The following PSME4 variants were observed in gnomAD, a reference collection of about 807,000 sequenced individuals.
The protein encoded by PSME4 is proteasome activator complex subunit 4.
Under a neutral mutation model 253.9 loss-of-function variants are expected in PSME4, and 89 were observed. The ratio of observed to expected loss-of-function variants is 0.35; its 90% CI spans 0.30 to 0.42. The LOEUF (loss-of-function observed/expected upper bound fraction) is 0.42. Ranked by LOEUF, PSME4 falls within the 10% of genes least tolerant of loss-of-function variation. The pLI is 1.00. For synonymous variants in PSME4, 851 were observed against 759.2 expected (o/e 1.12, Z -1.99); for missense variants, 2,014 against 2,195.2 (o/e 0.92, Z 1.65).
At chr2:53,897,794 C>T in intron 31 of PSME4, 76 bp downstream of exon 31, 1 of 1,482,298 alleles carries the variant, frequency 6.7e-7, no homozygotes, top group Non-Finnish European at 9.4e-7. Flanking sequence ...GTGTGTATTG[C>T]TTGTGAAGAA....
chr2:53,931,179 G>A (rs775459290), intron 10 of PSME4, among the ~76,000 whole-genome samples: 1 of 152,300 alleles, frequency 6.6e-6, no homozygotes, highest in African/African-American at 2.4e-5. Context: ...TCAGGAGGCT[G>A]AGGCAGGGGA....
At chr2:53,917,382 T>C (rs1345275172) in intron 20 of PSME4, 4 of 152,100 alleles carry the variant, frequency 2.6e-5, no homozygotes, top group Non-Finnish European at 5.9e-5. Flanking sequence ...TTATAAAAAA[T>C]CTAATTGGCT....
intron 36 of PSME4, among the ~76,000 whole-genome samples, chr2:53,891,632 A>G (rs897269038): frequency 1.3e-5 from 2 of 152,022 alleles, no homozygotes; most frequent in Non-Finnish European, 2.9e-5. Context: ...AGGCCAAGGT[A>G]GGTGGAGTTC....
At chr2:53,903,178 G>A (rs1680491047) in intron 27 of PSME4, among the ~76,000 whole-genome samples, 2 of 152,088 alleles carry the variant, frequency 1.3e-5, no homozygotes, top group Admixed American at 6.6e-5. Context: ...CATGGAAATG[G>A]TATCTTCGGA....
intron 5 of PSME4, among the ~76,000 whole-genome samples, chr2:53,937,063 T>C (rs1296279145): frequency 1.3e-5 from 2 of 152,198 alleles, no homozygotes. Flanking sequence ...CATTACTAAG[T>C]ACTGTCCATT....
intron 3 of PSME4, among the ~76,000 whole-genome samples, chr2:53,946,877 G>A (rs1278209437): frequency 6.6e-6 from 1 of 152,002 alleles, no homozygotes; most frequent in Non-Finnish European, 1.5e-5. Context: ...TCTTGCCACT[G>A]CACTCCAGCC....
At chr2:53,954,187 G>T (rs759967867) in intron 1 of PSME4, among the ~76,000 whole-genome samples, 2 of 152,282 alleles carry the variant, frequency 1.3e-5, no homozygotes, top group South Asian at 4.1e-4. Context: ...AATTAGCCGG[G>T]TGTGGCGGCA....
intron 36 of PSME4, 104 bp downstream of exon 36, chr2:53,892,687 TATTTCATATCACTGAAG>T (rs1257094898): frequency 1.1e-6 from 1 of 874,940 alleles, no homozygotes; most frequent in East Asian, 2.6e-5. Context: ...CATATCGGCA[TATTTCATATCACTGAAG>T]ATTTCATATT....
chr2:53,869,564 G>A, intron 43 of PSME4, 26 bp from the exon 44 acceptor site: 1 of 1,455,380 alleles, frequency 6.9e-7, no homozygotes, highest in Non-Finnish European at 9.3e-7. Flanking sequence ...TTTCTATTAG[G>A]ACTGACATTC....
In PSME4 at chr2:53,892,792, A is replaced by C. The variant is rs1387667974; in HGVS notation, c.4191+16T>G. 6.2e-7 allele frequency: 1 copy of C among 1,605,556 alleles called. No homozygotes were observed. Among genetic ancestry groups the C allele is most frequent in the Non-Finnish European group, 8.5e-7 (1 of 1,176,286 alleles). On this transcript the variant is annotated intron_variant, in intron 36 of 46. Coordinates refer to ENST00000404125, the MANE Select transcript of PSME4 (RefSeq NM_014614.3). Reference sequence around the variant, plus strand: ...GCTTTAACAGGAAATGTTCTGTACAAATATTAATACATCACCTTTTCAAAT... The same window carrying C: ...GCTTTAACAGGAAATGTTCTGTACACATATTAATACATCACCTTTTCAAAT...
intron 20 of PSME4, 113 bp downstream of exon 20, chr2:53,919,038 A>G: frequency 9.5e-7 from 1 of 1,050,198 alleles, no homozygotes. Context: ...AGTGACAAAT[A>G]AAAAGGTTAA....
intron 43 of PSME4, 95 bp from the exon 44 acceptor site, chr2:53,869,633 C>T (rs1487646534): frequency 9.9e-7 from 1 of 1,015,074 alleles, no homozygotes; most frequent in Admixed American, 2.6e-5. Context: ...TGAAGACCTT[C>T]CCTGAAATTG....
intron 41 of PSME4, among the ~76,000 whole-genome samples, chr2:53,878,587 T>C (rs776739089): frequency 6.6e-6 from 1 of 152,210 alleles, no homozygotes; most frequent in African/African-American, 2.4e-5. Context: ...GTAACATCCC[T>C]GAGAAAGAGA....
At chr2:53,946,523 T>C (rs1669711022) in intron 3 of PSME4, among the ~76,000 whole-genome samples, 1 of 152,184 alleles carries the variant, frequency 6.6e-6, no homozygotes, top group African/African-American at 2.4e-5. Context: ...CCAGTATAGG[T>C]CATGGTCCCT....
At chr2:53,888,404 A>G in intron 38 of PSME4, 1 of 266,062 alleles carries the variant, frequency 3.8e-6, no homozygotes, top group Non-Finnish European at 7.0e-6. Flanking sequence ...TCTTTTTAAC[A>G]GGAAAAAGTG....
Position 53,890,148 on chromosome 2 carries a change from C to A in PSME4, c.4252G>T (p.Val1418Leu), listed in dbSNP as rs199824579. 6.8e-5 allele frequency: 109 copies of A among 1,613,838 alleles called. No homozygotes were observed. Among genetic ancestry groups the A allele is most frequent in the Non-Finnish European group, 8.7e-5 (103 of 1,179,876 alleles). ...GCTCCCCAGTCATTATAAGTTTCTA[C>A]GGTAATATTGGACAGTGCTGTTCTA... ...LLRTALSNITVETYNDWGACI... is the reference protein window; with the variant it reads ...LLRTALSNITLETYNDWGACI... Residue 1418 changes from valine (V) to leucine (L), a missense_variant, in exon 37 of 47, where the codon GTA becomes TTA. By Grantham distance (32) the Val-to-Leu change is conservative. Transcript: ENST00000404125.
Position 53,940,940 on chromosome 2 carries a change from AATATATATATACATAT to A in PSME4, c.501-956_501-941del, listed in dbSNP as rs1159955152. ...TAAATATATATATAATACATATATAAATATATATATACATATATATATATATATATATATATATATA... is the reference window on the plus strand; with the variant it reads ...TAAATATATATATAATACATATATAAATATATATATATATATATATATATA... On this transcript the variant is annotated intron_variant, in intron 3 of 46. Coordinates refer to ENST00000404125, the MANE Select transcript of PSME4 (RefSeq NM_014614.3). 1.4e-3 allele frequency among the ~76,000 whole-genome samples: 72 copies of A among 51,296 alleles called. 1 individual carries two copies. Among genetic ancestry groups the A allele is most frequent in the African/African-American group, 5.5e-3 (55 of 9,962 alleles). The allele number at this position is 51,296 out of a possible 152,430, so 33.7% of individuals were successfully genotyped here.
chr2:53,901,450 C>A lies in PSME4; in HGVS notation c.3185G>T (p.Ser1062Ile), dbSNP rs774176199. Residue 1062 changes from serine (S) to isoleucine (I), a missense_variant, in exon 28 of 47, where the codon AGC becomes ATC. Ser to Ile is a moderately radical substitution (Grantham distance 142). Transcript: ENST00000404125. ...TWPAIVSSGL[S>I]QAMSLEKPSI... ...TGGCTTTTCCAGGGACATTGCTTGG[C>A]TAAGCCCTGAAGAAACAATCGCTGG... 6.2e-7 allele frequency: 1 copy of A among 1,614,058 alleles called. No homozygotes were observed. The highest frequency in any genetic ancestry group is 1.3e-5 in the African/African-American group (1 of 75,016).
chr2:53,923,051 A>T lies in PSME4; in HGVS notation c.1976T>A (p.Met659Lys), dbSNP rs745340299. 1.3e-6 allele frequency: 2 copies of T among 1,569,884 alleles called. No individual in the cohort carries two copies. The highest frequency in any genetic ancestry group is 1.7e-6 in the Non-Finnish European group (2 of 1,155,118). Reference sequence around the variant, plus strand: ...AGAATAATGACCTTATGACTTACTCATTGTAAGCTGAGTTATAACACTGCA... The same window carrying T: ...AGAATAATGACCTTATGACTTACTCTTTGTAAGCTGAGTTATAACACTGCA... ...HCCSVITQLT[M>K]NDDVLNDEEL... The change falls in exon 16 of 47, where the codon ATG becomes AAG. Residue 659 changes from methionine to lysine, a missense_variant and splice_region_variant. This residue lies in a region of PSME4 where 989 missense variants were observed against 1,021.1 expected (regional missense o/e 0.97). Transcript: ENST00000404125.
Sources: allele counts gnomAD v4.1 joint callset (sites outside exome capture counted in the v4.1 genomes callset), GRCh38; gene constraint gnomAD v4.1.1; regional missense constraint gnomAD v4.1.1; transcripts MANE v1.5; gene names NCBI Gene and HGNC (gene_info 2026-07-23, HGNC 2026-07-21).